GABRR3: variants seen among roughly 807,000 people sequenced by gnomAD.
GABRR3 encodes the protein gamma-aminobutyric acid receptor subunit rho-3.
A neutral mutation model predicts 43.2 loss-of-function variants in GABRR3; 29 were observed. The observed-to-expected ratio is 0.67, with a 90% CI of 0.50 to 0.92. The LOEUF is 0.92. Among genes scored for constraint, GABRR3 ranks in the 40% least tolerant of loss-of-function variants. The probability of loss-of-function intolerance (pLI) is 0.00; values close to 1 mark genes in which losing one functional copy is unlikely to be tolerated. For missense variants in GABRR3, 576 were observed against 572.3 expected (o/e 1.01, Z -0.07); for synonymous variants, 206 against 195.9 (o/e 1.05, Z -0.43).
chr3:98,002,045 G>A lies in GABRR3; in HGVS notation c.755-278C>T, dbSNP rs536917639. 3.3e-5 allele frequency among the ~76,000 whole-genome samples: 5 copies of A among 152,148 alleles called. No homozygotes were observed. The South Asian group carries it at 8.3e-4, about 25-fold the overall frequency. ...TTTGTGGGATGGCCTCTAAAGATCT[G>A]TCTCCACAATATATTGTATTGTGGC... On this transcript the variant is annotated intron_variant, in intron 7 of 9. Coordinates refer to ENST00000621172, the Ensembl canonical transcript of GABRR3.
exon 6 of GABRR3, chr3:98,008,965 G>C: frequency 6.2e-7 from 1 of 1,600,834 alleles, no homozygotes; most frequent in Non-Finnish European, 8.5e-7. Flanking sequence ...CAGCTTTCCA[G>C]TTCAAGAGAA....
rs115703703 is a variant in GABRR3, at chr3:98,016,412, C to T, written c.306+1243G>A. On this transcript the variant is annotated intron_variant, in intron 4 of 9. Transcript: ENST00000621172. ...CTTCTCTTGCCATGTGATGCCTGCT[C>T]CCGTTCACCTTCCACCATGAGTAGA... Among the ~76,000 whole-genome samples, 1,216 of 152,218 alleles carry T rather than the reference C, an allele frequency of 8.0e-3. 11 individuals carry two copies. Among genetic ancestry groups the T allele is most frequent in the African/African-American group, 0.028 (1,165 of 41,526 alleles).
intron 4 of GABRR3, among the ~76,000 whole-genome samples, 180 bp downstream of exon 4, chr3:98,017,475 A>G (rs1441634095): frequency 1.3e-5 from 2 of 152,240 alleles, no homozygotes; most frequent in Non-Finnish European, 2.9e-5. Flanking sequence ...TGAGAATTCT[A>G]ATCAAGGTTA....
chr3:98,025,209 C>T (rs1036027349), intron 3 of GABRR3, among the ~76,000 whole-genome samples: 1 of 152,150 alleles, frequency 6.6e-6, no homozygotes, highest in East Asian at 1.9e-4. Flanking sequence ...ATTCTTCCCC[C>T]AAAGCATGGC....
intron 2 of GABRR3, among the ~76,000 whole-genome samples, chr3:98,032,867 G>A (rs1160440819): frequency 6.6e-6 from 1 of 152,152 alleles, no homozygotes; most frequent in Non-Finnish European, 1.5e-5. Flanking sequence ...TTATAGAAGA[G>A]TGGATTATTC....
chr3:98,027,948 A>T (rs573574640), intron 2 of GABRR3, among the ~76,000 whole-genome samples: 66 of 152,062 alleles, frequency 4.3e-4, no homozygotes, highest in African/African-American at 9.9e-4. Context: ...TTCTTTTTTT[A>T]AAAAAAACTA....
intron 7 of GABRR3, among the ~76,000 whole-genome samples, chr3:98,006,756 AGG>A (rs905069715): frequency 5.5e-4 from 84 of 152,340 alleles, no homozygotes; most frequent in African/African-American, 2.0e-3. Context: ...AATATCCAGA[AGG>A]GGAATGATAG....
At position 98,002,546 on chromosome 3, in the gene GABRR3, T is replaced by C. The variant is rs1706663821; in HGVS notation, c.755-779A>G. ...CCATTCTTTAATGACCACATACACATACCAGGATATATATAATACCTTATC... is the reference window on the plus strand; with the variant it reads ...CCATTCTTTAATGACCACATACACACACCAGGATATATATAATACCTTATC... On this transcript the variant is annotated intron_variant, in intron 7 of 9. Coordinates refer to ENST00000621172, the Ensembl canonical transcript of GABRR3. 2.6e-5 allele frequency among the ~76,000 whole-genome samples: 4 copies of C among 152,294 alleles called. No individual in the cohort carries two copies. In the South Asian group the frequency reaches 8.3e-4, roughly 32 times the overall value.
At chr3:97,988,749 G>A (rs1470358256) in intron 9 of GABRR3, among the ~76,000 whole-genome samples, 1 of 151,580 alleles carries the variant, frequency 6.6e-6, no homozygotes, top group Non-Finnish European at 1.5e-5. Context: ...TTGGTGTCTG[G>A]TGGTGATGGT....
chr3:98,018,704 C>T (rs1025294608), intron 3 of GABRR3, among the ~76,000 whole-genome samples: 3 of 152,134 alleles, frequency 2.0e-5, no homozygotes, highest in Non-Finnish European at 2.9e-5. Context: ...AAGCCATTCT[C>T]GATTAAACCT....
At chr3:97,986,878 T>C (rs1012211604) in exon 10 of GABRR3, 3 of 1,611,890 alleles carry the variant, frequency 1.9e-6, no homozygotes, top group African/African-American at 2.7e-5. Context: ...TGAAGTCTTC[T>C]GAGTTTAGAG....
chr3:98,019,757 G>A (rs1706914872), intron 3 of GABRR3, among the ~76,000 whole-genome samples: 1 of 151,776 alleles, frequency 6.6e-6, no homozygotes, highest in Non-Finnish European at 1.5e-5. Context: ...AGCTAATTTT[G>A]TTCACCACGT....
At chr3:98,009,866 C>G (rs892243638) in intron 5 of GABRR3, among the ~76,000 whole-genome samples, 10 of 152,160 alleles carry the variant, frequency 6.6e-5, no homozygotes, top group Admixed American at 6.5e-5. Flanking sequence ...AAACATCAAG[C>G]CAAGGATTCA....
At chr3:98,015,851 G>T (rs1173113213) in intron 4 of GABRR3, among the ~76,000 whole-genome samples, 1 of 152,184 alleles carries the variant, frequency 6.6e-6, no homozygotes. Flanking sequence ...TGGAGGTGGG[G>T]CTTGAAGGGA....
At chr3:98,018,166 G>A (rs938671702) in intron 3 of GABRR3, among the ~76,000 whole-genome samples, 3 of 152,054 alleles carry the variant, frequency 2.0e-5, no homozygotes, top group African/African-American at 7.3e-5. Flanking sequence ...TAGAATCCTT[G>A]ACGTGGGCAA....
At chr3:98,002,552 G>GAC (rs1384856371) in intron 7 of GABRR3, among the ~76,000 whole-genome samples, 4 of 151,818 alleles carry the variant, frequency 2.6e-5, no homozygotes, top group Non-Finnish European at 5.9e-5. Context: ...CACATACCAG[G>GAC]ATATATATAA....
intron 3 of GABRR3, among the ~76,000 whole-genome samples, chr3:98,021,327 A>G (rs1253087110): frequency 6.6e-6 from 1 of 152,176 alleles, no homozygotes; most frequent in Non-Finnish European, 1.5e-5. Context: ...AGCTCCAAAG[A>G]TCGTTCTTTT....
At chr3:98,017,704 C>A (rs373783184) in exon 4 of GABRR3, 1 of 1,610,542 alleles carries the variant, frequency 6.2e-7, no homozygotes, top group South Asian at 1.1e-5. Context: ...GACATCTATA[C>A]CTACTGGCAC....
chr3:98,021,442 G>A (rs1706946729), intron 3 of GABRR3, among the ~76,000 whole-genome samples: 1 of 152,140 alleles, frequency 6.6e-6, no homozygotes, highest in South Asian at 2.1e-4. Context: ...CCAAACTTCT[G>A]TAAATACCTC....
Sources: gnomAD v4.1 joint callset for allele counts (sites outside exome capture counted in the v4.1 genomes callset) on GRCh38, gnomAD v4.1.1 for gene constraint, MANE v1.5 for transcripts, NCBI Gene and HGNC (gene_info 2026-07-23, HGNC 2026-07-21) for gene names.